CSMD2: variants seen among roughly 807,000 people sequenced by gnomAD.
The protein encoded by CSMD2 is CUB and sushi domain-containing protein 2.
A neutral mutation model predicts 398.5 loss-of-function variants in CSMD2; 130 were observed. The observed-to-expected ratio is 0.33, with a 90% CI of 0.28 to 0.38. CSMD2 has a LOEUF of 0.38. Ranked by LOEUF, CSMD2 falls within the 10% of genes least tolerant of loss-of-function variation. The probability of loss-of-function intolerance (pLI) is 1.00; values close to 1 mark genes in which losing one functional copy is unlikely to be tolerated. For synonymous variants in CSMD2, 1,828 were observed against 1,908.5 expected, an observed-to-expected ratio of 0.96 and a Z score of 1.10; for missense variants, 3,829 against 4,764.9, an observed-to-expected ratio of 0.80 and a Z score of 5.78.
chr1:33,959,100 T>G (rs1645263920), intron 3 of CSMD2, among the ~76,000 whole-genome samples: 1 of 152,042 alleles, frequency 6.6e-6, no homozygotes. Context: ...GTGGTCACAG[T>G]GAGATGATGT....
chr1:33,618,512 G>A (rs1430223646), intron 37 of CSMD2, among the ~76,000 whole-genome samples: 1 of 152,046 alleles, frequency 6.6e-6, no homozygotes, highest in Admixed American at 6.5e-5. Flanking sequence ...ACCTCCACAG[G>A]ATCTCAAATG....
rs557410412 is a variant in CSMD2, at chr1:33,581,338, A to G, written c.7241-439T>C. Among the ~76,000 whole-genome samples, 3 of 144,958 alleles carry G rather than the reference A, an allele frequency of 2.1e-5. No individual in the cohort carries two copies. In the East Asian group the frequency reaches 6.1e-4, roughly 29 times the overall value. On this transcript the variant is annotated intron_variant, in intron 47 of 70. Transcript: ENST00000373381. ...GGAGTTTGAGACCAGCTTGGCAAGC[A>G]AGACCCCATCTTTACTAAAAAAAAA...
intron 41 of CSMD2, among the ~76,000 whole-genome samples, chr1:33,609,949 C>G (rs1441353824): frequency 6.6e-6 from 1 of 152,154 alleles, no homozygotes; most frequent in Non-Finnish European, 1.5e-5. Context: ...TGGTGGCCCA[C>G]CCTCCTAAAT....
At chr1:33,984,325 C>G (rs1051598879) in intron 3 of CSMD2, among the ~76,000 whole-genome samples, 1 of 152,082 alleles carries the variant, frequency 6.6e-6, no homozygotes, top group Non-Finnish European at 1.5e-5. Context: ...ACTTGTGGAT[C>G]TTGAAAGTGC....
intron 5 of CSMD2, among the ~76,000 whole-genome samples, chr1:33,878,613 G>GC (rs1163972669): frequency 1.3e-5 from 2 of 152,234 alleles, no homozygotes; most frequent in Non-Finnish European, 2.9e-5. Context: ...TCAGTGAACA[G>GC]CCCTCATTGA....
intron 20 of CSMD2, 71 bp from the exon 21 acceptor site, chr1:33,714,846 A>G: frequency 1.4e-6 from 2 of 1,454,476 alleles, no homozygotes; most frequent in Non-Finnish European, 1.9e-6. Flanking sequence ...ATGGGAACGC[A>G]CAGGCAAAAC....
intron 25 of CSMD2, among the ~76,000 whole-genome samples, chr1:33,691,922 G>C (rs1645255171): frequency 6.6e-6 from 1 of 151,652 alleles, no homozygotes; most frequent in African/African-American, 2.4e-5. Context: ...ACCCCAACCT[G>C]CTCTTTTCCT....
intron 5 of CSMD2, chr1:33,869,050 G>T (rs1640253682): frequency 6.6e-6 from 1 of 152,298 alleles, no homozygotes; most frequent in African/African-American, 2.4e-5. Context: ...GCAACTGGAG[G>T]TGTGAACAAA....
At chr1:33,707,092 A>C (rs1446239743) in intron 22 of CSMD2, among the ~76,000 whole-genome samples, 1 of 152,018 alleles carries the variant, frequency 6.6e-6, no homozygotes, top group Non-Finnish European at 1.5e-5. Context: ...TTGAGTGTGC[A>C]CACCTGCTGA....
chr1:33,543,824 T>C (rs1656596919), intron 57 of CSMD2, among the ~76,000 whole-genome samples: 1 of 152,224 alleles, frequency 6.6e-6, no homozygotes, highest in African/African-American at 2.4e-5. Flanking sequence ...ATTTTTTGTG[T>C]GTGGTTTTTA....
At chr1:34,030,324 T>C (rs1163348059) in intron 3 of CSMD2, among the ~76,000 whole-genome samples, 1 of 152,210 alleles carries the variant, frequency 6.6e-6, no homozygotes, top group Non-Finnish European at 1.5e-5. Context: ...AAGTATCTCA[T>C]TGGCTTTGCA....
chr1:33,683,011 C>T (rs1022592776), intron 25 of CSMD2, among the ~76,000 whole-genome samples: 3 of 152,090 alleles, frequency 2.0e-5, no homozygotes, highest in African/African-American at 7.2e-5. Flanking sequence ...AGTTTCATTG[C>T]TCTTCTGCAT....
At chr1:33,934,160 C>A (rs539102362) in intron 4 of CSMD2, among the ~76,000 whole-genome samples, 2 of 152,242 alleles carry the variant, frequency 1.3e-5, no homozygotes, top group African/African-American at 4.8e-5. Context: ...AATCTTCCTC[C>A]AAAAGAAAAA....
chr1:33,623,560 A>G (rs1190305562), intron 35 of CSMD2, 94 bp from the exon 36 acceptor site: 9 of 862,994 alleles, frequency 1.0e-5, no homozygotes, highest in Non-Finnish European at 1.7e-5. Flanking sequence ...AGTTAATTCA[A>G]TTTGTTGAGA....
chr1:34,157,431 C>T (rs918678172), intron 1 of CSMD2, among the ~76,000 whole-genome samples: 1 of 152,064 alleles, frequency 6.6e-6, no homozygotes, highest in African/African-American at 2.4e-5. Context: ...CTTGTTCCAA[C>T]TCAACCAACC....
Position 33,720,686 on chromosome 1 carries a change from A to G in CSMD2, c.3001+3511T>C, listed in dbSNP as rs568840584. On this transcript the variant is annotated intron_variant, in intron 19 of 70. Transcript: ENST00000373381. ...TAAGGACTATGAGGCTGTGCCAGCT[A>G]TTTTATTTTATTTTATTTCTTATTT... 5.3e-5 allele frequency among the ~76,000 whole-genome samples: 8 copies of G among 152,098 alleles called. No homozygotes were observed. In the South Asian group the frequency reaches 1.7e-3, roughly 32 times the overall value.
At position 33,848,184 on chromosome 1, in the gene CSMD2, C is replaced by G. The variant is rs570033745; in HGVS notation, c.921-1188G>C. On this transcript the variant is annotated intron_variant, in intron 5 of 70. Coordinates refer to ENST00000373381, the MANE Select transcript of CSMD2 (RefSeq NM_001281956.2). ...GTGAGGGCCGACTATGGGGGAACCA[C>G]CCGGGAGGGGCAGTATCCTGGGGCT... Among the ~76,000 whole-genome samples, 10 of 152,330 alleles carry G rather than the reference C, an allele frequency of 6.6e-5. No individual in the cohort carries two copies. In the South Asian group the frequency reaches 2.1e-3, roughly 32 times the overall value.
chr1:34,126,276 C>T (rs537637809), intron 1 of CSMD2, among the ~76,000 whole-genome samples: 8 of 152,302 alleles, frequency 5.3e-5, no homozygotes, highest in African/African-American at 1.9e-4. Flanking sequence ...CAATCCATTC[C>T]CTAGAAAATA....
chr1:33,960,839 C>A (rs1645333775), intron 3 of CSMD2, among the ~76,000 whole-genome samples: 1 of 152,222 alleles, frequency 6.6e-6, no homozygotes, highest in African/African-American at 2.4e-5. Flanking sequence ...AGGGACATAT[C>A]TGGTTTGAGG....
Sources: gnomAD v4.1 joint callset for allele counts (sites outside exome capture counted in the v4.1 genomes callset) on GRCh38, gnomAD v4.1.1 for gene constraint, MANE v1.5 for transcripts, NCBI Gene and HGNC (gene_info 2026-07-23, HGNC 2026-07-21) for gene names.